The following DOP1A variants were observed in gnomAD, a reference collection of about 807,000 sequenced individuals.
DOP1A encodes DOP1 leucine zipper like protein A.
In DOP1A, 90 loss-of-function variants were observed where a neutral mutation model predicts 267.6. The ratio of observed to expected loss-of-function variants is 0.34; its 90% CI spans 0.28 to 0.40. The LOEUF (loss-of-function observed/expected upper bound fraction) is 0.40. DOP1A is among the 10% of genes least tolerant of loss of function. DOP1A has a pLI of 1.00. For missense variants in DOP1A, 2,437 were observed against 2,900.4 expected, an observed-to-expected ratio of 0.84 and a Z score of 3.67; for synonymous variants, 932 against 999.1, an observed-to-expected ratio of 0.93 and a Z score of 1.27.
rs547070773 is a variant in DOP1A, at chr6:83,152,166, A to AAT, written c.6050-112_6050-111dup. The AAT allele has an allele frequency of 2.0e-4, 179 of 911,244 alleles. No individual in the cohort carries two copies. The African/African-American group carries it at 2.1e-3, about 11-fold the overall frequency. The allele number at this position is 911,244 out of a possible 1,614,324, so 56.4% of individuals were successfully genotyped here. ...CAAGTAACTTTTTTTCAGTGGGAAA[A>AAT]ATATATATATACATATACATATATA... On this transcript the variant is annotated intron_variant, in intron 29 of 38. Coordinates refer to ENST00000349129, the MANE Select transcript of DOP1A (RefSeq NM_015018.4).
chr6:83,110,044 C>A, intron 5 of DOP1A, 81 bp from the exon 6 acceptor site: 1 of 1,430,642 alleles, frequency 7.0e-7, no homozygotes, highest in Non-Finnish European at 9.3e-7. Context: ...TGTTTGCATA[C>A]ATTTTTGGAA....
intron 1 of DOP1A, among the ~76,000 whole-genome samples, chr6:83,071,153 C>T (rs1206516240): frequency 2.6e-5 from 4 of 152,086 alleles, no homozygotes; most frequent in Non-Finnish European, 4.4e-5. Flanking sequence ...AACATCTTGG[C>T]ACCAAACTGA....
At chr6:83,099,829 A>C (rs1192976341) in intron 3 of DOP1A, among the ~76,000 whole-genome samples, 4 of 151,898 alleles carry the variant, frequency 2.6e-5, no homozygotes, top group African/African-American at 9.7e-5. Context: ...ATATTATGGC[A>C]AAAAAACACA....
Position 83,130,301 on chromosome 6 carries a change from C to T in DOP1A, c.2520C>T (p.Pro840=). The change falls in exon 17 of 39, where the codon CCC becomes CCT. Residue 840 remains proline (P), a synonymous_variant. Transcript: ENST00000349129. ...TCAACAGTGTAGAGCCTGCACAACC[C>T]TTAAGTCCAAACCAGGGAAGAGTAG... ...ENINSVEPAQ[P]LSPNQGRVAV... is the part of the protein sequence containing the mutation. The T allele has an allele frequency of 6.2e-7, 1 of 1,614,052 alleles. No homozygotes were observed. Among genetic ancestry groups the T allele is most frequent in the Non-Finnish European group, 8.5e-7 (1 of 1,179,984 alleles).
chr6:83,079,678 T>A (rs1767742959), intron 1 of DOP1A, among the ~76,000 whole-genome samples: 1 of 152,194 alleles, frequency 6.6e-6, no homozygotes, highest in Non-Finnish European at 1.5e-5. Context: ...TAACTTAATA[T>A]GGGTTTAATT....
intron 15 of DOP1A, 39 bp from the exon 16 acceptor site, chr6:83,128,848 T>C (rs888334726): frequency 2.6e-6 from 4 of 1,511,026 alleles, no homozygotes; most frequent in Non-Finnish European, 3.5e-6. Context: ...ATGTACACTT[T>C]GCTACTCAGC....
intron 1 of DOP1A, among the ~76,000 whole-genome samples, chr6:83,091,361 A>G (rs1479619939): frequency 6.6e-6 from 1 of 152,106 alleles, no homozygotes; most frequent in East Asian, 1.9e-4. Flanking sequence ...GTCTCTTCTC[A>G]TTTTTCAGCA....
At chr6:83,169,096 G>C (rs1786503878), downstream of DOP1A, 1 of 1,451,514 alleles carries the variant, frequency 6.9e-7, no homozygotes, top group Non-Finnish European at 9.0e-7. Context: ...TAGTGTTTAA[G>C]AAAAACAGAT....
At chr6:83,124,548 G>A (rs1009834170) in intron 12 of DOP1A, among the ~76,000 whole-genome samples, 157 bp from the exon 13 acceptor site, 1 of 152,084 alleles carries the variant, frequency 6.6e-6, no homozygotes, top group Non-Finnish European at 1.5e-5. Context: ...TCCATGAAGA[G>A]GTACAGTGGC....
Position 83,108,926 on chromosome 6 carries a change from C to A in DOP1A, c.337C>A (p.Leu113Ile). ...LFLYSSGLFPLLANAAMSVKP... is the reference protein window; with the variant it reads ...LFLYSSGLFPILANAAMSVKP... ...TTTTAATAGTTCTGGATTATTTCCTCTTCTTGCAAATGCTGCCATGTCTGT... is the reference window on the plus strand; with the variant it reads ...TTTTAATAGTTCTGGATTATTTCCTATTCTTGCAAATGCTGCCATGTCTGT... The change falls in exon 5 of 39, where the codon CTT becomes ATT. Residue 113 changes from leucine (L) to isoleucine (I), a missense_variant. Coordinates refer to ENST00000349129, the MANE Select transcript of DOP1A (RefSeq NM_015018.4). The A allele has an allele frequency of 1.9e-6, 3 of 1,611,854 alleles. No individual in the cohort carries two copies. The highest frequency in any genetic ancestry group is 2.5e-6 in the Non-Finnish European group (3 of 1,179,050).
chr6:83,151,714 A>T, intron 28 of DOP1A, 55 bp downstream of exon 28: 1 of 1,528,916 alleles, frequency 6.5e-7, no homozygotes, highest in Non-Finnish European at 8.9e-7. Context: ...CTCAATTTGA[A>T]AATGAGAGAG....
intron 5 of DOP1A, 83 bp downstream of exon 5, chr6:83,109,163 C>A (rs1236928250): frequency 1.3e-5 from 16 of 1,249,444 alleles, no homozygotes; most frequent in Non-Finnish European, 1.8e-5. Context: ...GTTTTAACAT[C>A]ACAAATGAAT....
rs1261175728 is a variant in DOP1A, at chr6:83,095,584, T to C, written c.-146-1147T>C. ...CCAGAAAAATTAAAGGGGAGCCACA[T>C]TGGTTTTTAAGTAGAACCTTAATTC... On this transcript the variant is annotated intron_variant, in intron 1 of 38. Transcript: ENST00000349129. 5.9e-5 allele frequency among the ~76,000 whole-genome samples: 9 copies of C among 152,278 alleles called. No individual in the cohort carries two copies. In the East Asian group the frequency reaches 1.2e-3, roughly 20 times the overall value.
intron 1 of DOP1A, among the ~76,000 whole-genome samples, chr6:83,073,520 C>T (rs889015362): frequency 2.0e-5 from 3 of 152,094 alleles, no homozygotes; most frequent in Non-Finnish European, 2.9e-5. Context: ...GCCAATTTTA[C>T]GTAATCTGAT....
chr6:83,116,976 T>C (rs895948555), intron 7 of DOP1A, among the ~76,000 whole-genome samples: 14 of 152,152 alleles, frequency 9.2e-5, no homozygotes, highest in Admixed American at 2.6e-4. Context: ...GCCTGAATAA[T>C]CATAATTCAT....
chr6:83,116,857 A>G (rs941783186), intron 7 of DOP1A, among the ~76,000 whole-genome samples: 3 of 152,160 alleles, frequency 2.0e-5, no homozygotes, highest in Non-Finnish European at 4.4e-5. Flanking sequence ...CAAGTTTTCC[A>G]TAATTCTACT....
chr6:83,083,759 T>G (rs758372585), intron 1 of DOP1A, among the ~76,000 whole-genome samples: 10 of 152,218 alleles, frequency 6.6e-5, no homozygotes, highest in Non-Finnish European at 1.0e-4. Flanking sequence ...CTCAAGGGTA[T>G]GTGCTTAAGT....
At chr6:83,120,502 A>G (rs529966599) in intron 9 of DOP1A, among the ~76,000 whole-genome samples, 181 bp from the exon 10 acceptor site, 2 of 152,068 alleles carry the variant, frequency 1.3e-5, no homozygotes, top group East Asian at 3.9e-4. Context: ...TTCTCAAGAT[A>G]GATAAATAAT....
intron 1 of DOP1A, among the ~76,000 whole-genome samples, chr6:83,069,613 T>A (rs1448837168): frequency 1.3e-5 from 2 of 152,050 alleles, no homozygotes; most frequent in Non-Finnish European, 2.9e-5. Flanking sequence ...CTCACTTGTA[T>A]AAAAAAAATT....
Sources: gnomAD v4.1 joint callset for allele counts (sites outside exome capture counted in the v4.1 genomes callset) on GRCh38, gnomAD v4.1.1 for gene constraint, MANE v1.5 for transcripts, NCBI Gene and HGNC (gene_info 2026-07-23, HGNC 2026-07-21) for gene names.